The following SYNE1 variants were observed in gnomAD, a reference collection of about 807,000 sequenced individuals.
The protein encoded by SYNE1 is spectrin repeat containing nuclear envelope protein 1.
A neutral mutation model predicts 1,111.0 loss-of-function variants in SYNE1; 616 were observed. That is an observed-to-expected ratio of 0.55 (90% CI 0.52 to 0.59). The LOEUF is 0.59. SYNE1 is among the 20% of genes least tolerant of loss of function. The pLI is 0.00. For missense variants in SYNE1, 10,006 were observed against 10,417.0 expected, an observed-to-expected ratio of 0.96 and a Z score of 1.72; for synonymous variants, 3,855 against 3,825.8, an observed-to-expected ratio of 1.01 and a Z score of -0.28.
At chr6:152,464,302 A>G (rs1283517420) in intron 18 of SYNE1, among the ~76,000 whole-genome samples, 6 of 152,180 alleles carry the variant, frequency 3.9e-5, no homozygotes, top group Admixed American at 2.6e-4. Context: ...TTCAAAATCC[A>G]TTTCGTAAGC....
At chr6:152,494,626 C>T (rs1274119348) in intron 11 of SYNE1, among the ~76,000 whole-genome samples, 2 of 152,066 alleles carry the variant, frequency 1.3e-5, no homozygotes, top group East Asian at 1.9e-4. Context: ...AGGGACTACA[C>T]GTCAATATTT....
Position 152,213,096 on chromosome 6 carries a change from C to T in SYNE1, c.22494+516G>A, listed in dbSNP as rs372676919. ...TACTTTGTGTATATAGTTCTTCTCCCTCTTTGTTTCTTAAGAAATAATTAT... is the reference window on the plus strand; with the variant it reads ...TACTTTGTGTATATAGTTCTTCTCCTTCTTTGTTTCTTAAGAAATAATTAT... On this transcript the variant is annotated intron_variant, in intron 123 of 145. Coordinates refer to ENST00000367255, the MANE Select transcript of SYNE1 (RefSeq NM_182961.4). 9.9e-5 allele frequency among the ~76,000 whole-genome samples: 15 copies of T among 152,250 alleles called. No individual in the cohort carries two copies. The East Asian group carries it at 2.7e-3, about 27-fold the overall frequency.
intron 104 of SYNE1, among the ~76,000 whole-genome samples, chr6:152,251,304 G>A (rs1270433334): frequency 6.6e-6 from 1 of 152,008 alleles, no homozygotes; most frequent in African/African-American, 2.4e-5. Context: ...TCTACTCAAG[G>A]TGGTAGGAAA....
intron 11 of SYNE1, among the ~76,000 whole-genome samples, chr6:152,495,169 C>G (rs1016018469): frequency 6.6e-6 from 1 of 152,176 alleles, no homozygotes; most frequent in African/African-American, 2.4e-5. Context: ...ATTTGCTATT[C>G]TCCCACTCCT....
At chr6:152,417,153 CT>C in intron 40 of SYNE1, 138 bp from the exon 41 acceptor site, 1 of 1,284,638 alleles carries the variant, frequency 7.8e-7, no homozygotes, top group Non-Finnish European at 1.1e-6. Context: ...TACAGTGAAT[CT>C]TAGAAAATTC....
At position 152,219,337 on chromosome 6, in the gene SYNE1, G is replaced by T. The variant is rs981153919; in HGVS notation, c.21862-152C>A. Reference sequence around the variant, plus strand: ...ACTTCACCTGTGGAAAAATGAACACGCACTGAACCCCATTTTTTAAAATGC... The same window carrying T: ...ACTTCACCTGTGGAAAAATGAACACTCACTGAACCCCATTTTTTAAAATGC... On this transcript the variant is annotated intron_variant, in intron 119 of 145. Coordinates refer to ENST00000367255, the MANE Select transcript of SYNE1 (RefSeq NM_182961.4). The T allele has an allele frequency of 5.2e-6, 4 of 762,474 alleles. No individual in the cohort carries two copies. In the East Asian group the frequency reaches 8.0e-5, roughly 15 times the overall value. The allele number at this position is 762,474 out of a possible 1,614,324, so 47.2% of individuals were successfully genotyped here.
At position 152,148,670 on chromosome 6, in the gene SYNE1, G is replaced by GTTT. The variant is rs5880957; in HGVS notation, c.24643-295_24643-293dup. Among the ~76,000 whole-genome samples, 1 of 145,922 alleles carries GTTT rather than the reference G, an allele frequency of 6.9e-6. No homozygotes were observed. On this transcript the variant is annotated intron_variant, in intron 136 of 145. Coordinates refer to ENST00000367255, the MANE Select transcript of SYNE1 (RefSeq NM_182961.4). The surrounding 1 kb of genome is among the most constrained non-coding windows in gnomAD (Gnocchi z 4.1). ...ATAACAGTCCCAGGCATCCCACAGG[G>GTTT]TTTTTTTTTTTTGAGTGGGAAAAAA...
intron 3 of SYNE1, among the ~76,000 whole-genome samples, chr6:152,552,816 G>C (rs1172219547): frequency 6.6e-6 from 1 of 152,112 alleles, no homozygotes; most frequent in African/African-American, 2.4e-5. Context: ...TTCAGATCTA[G>C]CGTGGCGTTA....
intron 10 of SYNE1, among the ~76,000 whole-genome samples, chr6:152,499,157 T>G (rs2099015099): frequency 1.3e-5 from 2 of 152,268 alleles, no homozygotes; most frequent in South Asian, 4.1e-4. Flanking sequence ...CATGTTTCTT[T>G]GTCCTCATAA....
At chr6:152,435,858 G>T (rs576190607) in intron 33 of SYNE1, 83 bp downstream of exon 33, 2 of 1,509,296 alleles carry the variant, frequency 1.3e-6, no homozygotes, top group Non-Finnish European at 1.8e-6. Flanking sequence ...GATTTTAAAA[G>T]AGTGTTTTGA....
chr6:152,253,824 T>TTTGTTTGTTTG (rs2090081083), intron 104 of SYNE1, among the ~76,000 whole-genome samples: 1 of 54,184 alleles, frequency 1.8e-5, no homozygotes, highest in Admixed American at 1.7e-4. Context: ...TTTGGTTTTT[T>TTTGTTTGTTTG]TTTTTTTTTT....
chr6:152,564,344 T>C (rs2099404427), intron 3 of SYNE1, among the ~76,000 whole-genome samples: 1 of 152,188 alleles, frequency 6.6e-6, no homozygotes, highest in African/African-American at 2.4e-5. Flanking sequence ...TGAGACAGGG[T>C]CTCACTCTGT....
At chr6:152,505,824 TA>T (rs879506776) in intron 8 of SYNE1, among the ~76,000 whole-genome samples, 1 of 104,208 alleles carries the variant, frequency 9.6e-6, no homozygotes, top group African/African-American at 5.4e-5. Flanking sequence ...TTAACCACTG[TA>T]AATTTTTGTA....
chr6:152,516,974 C>T (rs1476720932), intron 6 of SYNE1, among the ~76,000 whole-genome samples: 1 of 152,164 alleles, frequency 6.6e-6, no homozygotes, highest in Non-Finnish European at 1.5e-5. Flanking sequence ...AAGAGAAACC[C>T]TTCAATAAGA....
chr6:152,221,793 G>C (rs1334288555), intron 117 of SYNE1, among the ~76,000 whole-genome samples: 2 of 152,242 alleles, frequency 1.3e-5, no homozygotes, highest in Non-Finnish European at 1.5e-5. Flanking sequence ...TTCTTCTATT[G>C]GCATTTGCAT....
chr6:152,514,249 C>G (rs1047883644), intron 6 of SYNE1, among the ~76,000 whole-genome samples: 2 of 152,132 alleles, frequency 1.3e-5, no homozygotes, highest in Non-Finnish European at 2.9e-5. Context: ...CAGTGATAGA[C>G]TGGATAAGGA....
At chr6:152,176,845 T>TA (rs2066572537) in intron 129 of SYNE1, among the ~76,000 whole-genome samples, 1 of 152,126 alleles carries the variant, frequency 6.6e-6, no homozygotes, top group Non-Finnish European at 1.5e-5. Context: ...AAAAGATAGA[T>TA]ATAAAAAATA....
intron 3 of SYNE1, among the ~76,000 whole-genome samples, chr6:152,577,872 A>T (rs2099504927): frequency 6.6e-6 from 1 of 152,112 alleles, no homozygotes; most frequent in South Asian, 2.1e-4. Flanking sequence ...CAAAATGCTT[A>T]TAGTATCCAA....
chr6:152,242,455 C>T lies in SYNE1; in HGVS notation c.19693-15G>A, dbSNP rs187885923. On this transcript the variant is annotated splice_polypyrimidine_tract_variant and intron_variant, in intron 106 of 145. Transcript: ENST00000367255. ...TCATACATGTCCTAAGAAGCAGAGA[C>T]CACAAGACTCACTCTCAATTCATAT... 1.8e-4 allele frequency: 291 copies of T among 1,613,560 alleles called. No homozygotes were observed. Among genetic ancestry groups the T allele is most frequent in the Non-Finnish European group, 2.3e-4 (266 of 1,179,746 alleles).
Sources: allele counts gnomAD v4.1 joint callset (sites outside exome capture counted in the v4.1 genomes callset), GRCh38; gene constraint gnomAD v4.1.1; non-coding constraint Gnocchi (gnomAD v3.1); transcripts MANE v1.5; gene names NCBI Gene and HGNC (gene_info 2026-07-23, HGNC 2026-07-21).